The following SLC19A3 variants were observed in gnomAD, a reference collection of about 807,000 sequenced individuals.
SLC19A3 encodes the protein solute carrier family 19 member 3, also known as thiamine transporter 2.
A neutral mutation model predicts 40.2 loss-of-function variants in SLC19A3; 31 were observed. That is an observed-to-expected ratio of 0.77 (90% CI 0.58 to 1.04). SLC19A3 has a LOEUF of 1.04. SLC19A3 is among the 50% of genes least tolerant of loss of function. The pLI, the probability that SLC19A3 is intolerant of heterozygous loss-of-function variation, is 0.00. For missense variants in SLC19A3, 592 were observed against 596.7 expected (o/e 0.99, Z 0.08); for synonymous variants, 212 against 227.5 (o/e 0.93, Z 0.61).
Position 227,716,035 on chromosome 2 carries a change from G to C in SLC19A3, c.-3+1908C>G, listed in dbSNP as rs185618561. ...GAAAGTCAGCTGACATCTAATCCTT[G>C]AGATGCAGTGAAAGTTTCTGATTAA... On this transcript the variant is annotated intron_variant, in intron 1 of 5. Coordinates refer to ENST00000644224, the MANE Select transcript of SLC19A3 (RefSeq NM_025243.4). Among the ~76,000 whole-genome samples the C allele has an allele frequency of 2.4e-4, 37 of 151,788 alleles. 1 individual carries two copies. The East Asian group carries it at 7.2e-3, about 29-fold the overall frequency.
At chr2:227,687,858 A>C (rs556099329) in intron 5 of SLC19A3, among the ~76,000 whole-genome samples, 21 of 152,254 alleles carry the variant, frequency 1.4e-4, no homozygotes, top group South Asian at 2.1e-4. Context: ...AAACAAACCC[A>C]AAAAAACACT....
At chr2:227,712,895 T>C (rs1017643331) in intron 1 of SLC19A3, among the ~76,000 whole-genome samples, 1 of 152,086 alleles carries the variant, frequency 6.6e-6, no homozygotes, top group African/African-American at 2.4e-5. Flanking sequence ...GGATTGGTGG[T>C]TGCCTGGGGT....
In SLC19A3 at chr2:227,687,536, C is replaced by T. The variant is rs1559241677; in HGVS notation, c.1352G>A (p.Gly451Glu). The change falls in exon 6 of 6, where the codon GGA becomes GAA. Residue 451 changes from glycine (G) to glutamate (E), a missense_variant. Physicochemically the swap from Gly to Glu is moderately conservative, Grantham distance 98. Coordinates refer to ENST00000644224, the MANE Select transcript of SLC19A3 (RefSeq NM_025243.4). The part of the protein sequence containing the change: ...VYGSYFAVIA[G>E]IFLMRSMYIT... ...ATACATGCTTCTCATTAGGAAAATT[C>T]CAGCAATTACTGCAAAATAGCTCCC... 2 of 1,613,988 alleles carry T rather than the reference C, an allele frequency of 1.2e-6. No individual in the cohort carries two copies. Among genetic ancestry groups the T allele is most frequent in the Non-Finnish European group, 1.7e-6 (2 of 1,179,966 alleles).
At chr2:227,687,690 A>G in intron 5 of SLC19A3, 117 bp from the exon 6 acceptor site, 2 of 988,110 alleles carry the variant, frequency 2.0e-6, no homozygotes, top group Middle Eastern at 6.1e-4. Flanking sequence ...CAGGTTTTTA[A>G]TATGGGTCAT....
At chr2:227,702,361 T>A (rs1695732400) in intron 1 of SLC19A3, 41 bp from the exon 2 acceptor site, 11 of 1,604,130 alleles carry the variant, frequency 6.9e-6, no homozygotes, top group Non-Finnish European at 8.5e-6. Flanking sequence ...GTGATGCTTA[T>A]TCTTTTTAGC....
chr2:227,695,333 T>C (rs1019391118), intron 4 of SLC19A3, among the ~76,000 whole-genome samples: 1 of 152,198 alleles, frequency 6.6e-6, no homozygotes, highest in Non-Finnish European at 1.5e-5. Context: ...CCAGATGTAG[T>C]GGCTCACACC....
intron 1 of SLC19A3, among the ~76,000 whole-genome samples, chr2:227,715,257 C>T (rs1363605401): frequency 2.7e-5 from 4 of 146,786 alleles, no homozygotes; most frequent in Non-Finnish European, 6.1e-5. Flanking sequence ...CACACCCCCC[C>T]CAAAAAAAAA....
rs929249103 is a variant in SLC19A3, at chr2:227,685,729, C to T, written c.*1668G>A. The T allele has an allele frequency of 6.5e-6, 1 of 153,032 alleles. No individual in the cohort carries two copies. 9.5% of individuals were successfully genotyped at this position (153,032 alleles called of 1,614,324 possible). A position where few individuals can be genotyped will look rare whatever the true frequency, so the allele number is the denominator to read the frequency against. On this transcript the variant is annotated 3_prime_UTR_variant, in exon 6 of 6. Transcript: ENST00000644224. ...CTTCCAGCCTTAATATAAATCTTGACTCAGCATTCTTTATTCTCACTGTCA... is the reference window on the plus strand; with the variant it reads ...CTTCCAGCCTTAATATAAATCTTGATTCAGCATTCTTTATTCTCACTGTCA...
chr2:227,687,486 T>C lies in SLC19A3; in HGVS notation c.1402A>G (p.Lys468Glu). 6.2e-7 allele frequency: 1 copy of C among 1,614,174 alleles called. No homozygotes were observed. Among genetic ancestry groups the C allele is most frequent in the Non-Finnish European group, 8.5e-7 (1 of 1,180,000 alleles). ...CTTGGAGCAGGGCTCTGTACATCCT[T>C]CTGGGATTTGGTTGAGTAGGTAATA... The part of the protein sequence containing the change: ...MYITYSTKSQ[K>E]DVQSPAPSEN... Residue 468 changes from lysine to glutamate, a missense_variant, in exon 6 of 6, where the codon AAG becomes GAG. Lys to Glu is a moderately conservative substitution (Grantham distance 56). Transcript: ENST00000644224.
At chr2:227,717,864 G>A (rs1696384904) in intron 1 of SLC19A3, 79 bp downstream of exon 1, 3 of 971,270 alleles carry the variant, frequency 3.1e-6, no homozygotes, top group African/African-American at 1.8e-5. Flanking sequence ...CTCCAAACCC[G>A]GGAAGAGAGA....
rs1309034188 is a variant in SLC19A3, at chr2:227,698,948, T to C, written c.767A>G (p.Asn256Ser). 1 of 1,614,058 alleles carries C rather than the reference T, an allele frequency of 6.2e-7. No homozygotes were observed. The highest frequency in any genetic ancestry group is 1.3e-5 in the African/African-American group (1 of 74,934). The change falls in exon 3 of 6, where the codon AAT becomes AGT. Residue 256 changes from asparagine (N) to serine (S), a missense_variant. Coordinates refer to ENST00000644224, the MANE Select transcript of SLC19A3 (RefSeq NM_025243.4). ...CTGCACAAAAACGTCCACAGTCACA[T>C]TGCTTGGTTTCAGGCTGTTCAGCTG... ...KGQLNSLKPS[N>S]VTVDVFVQWF...
intron 5 of SLC19A3, 50 bp from the exon 6 acceptor site, chr2:227,687,623 C>A: frequency 6.3e-7 from 1 of 1,580,674 alleles, no homozygotes; most frequent in South Asian, 1.1e-5. Flanking sequence ...CCATCTATGT[C>A]AATGATAATA....
rs1695804062 is a variant in SLC19A3, at chr2:227,703,706, T to C, written c.-2-1386A>G. On this transcript the variant is annotated intron_variant, in intron 1 of 5. Coordinates refer to ENST00000644224, the MANE Select transcript of SLC19A3 (RefSeq NM_025243.4). The surrounding 1 kb of genome is among the most constrained non-coding windows in gnomAD (Gnocchi z 4.7). ...GTTAATGATCTTATAGAAATGGCTG[T>C]CCTGGACAGGTGATCACTGAGGCTT... Among the ~76,000 whole-genome samples the C allele has an allele frequency of 6.6e-6, 1 of 152,194 alleles. No individual in the cohort carries two copies. Among genetic ancestry groups the C allele is most frequent in the Non-Finnish European group, 1.5e-5 (1 of 68,044 alleles).
Position 227,688,155 on chromosome 2 carries a change from T to C in SLC19A3, c.1314+11A>G, listed in dbSNP as rs985701788. On this transcript the variant is annotated intron_variant, in intron 5 of 5. Transcript: ENST00000644224. ...GGTTACCTAGTTGAAAACAGAAGTA[T>C]TGCAGCTTACCTGAATGCTGACTGG... 17 of 1,613,876 alleles carry C rather than the reference T, an allele frequency of 1.1e-5. No individual in the cohort carries two copies. In the Admixed American group the frequency reaches 1.7e-4, roughly 16 times the overall value.
intron 1 of SLC19A3, chr2:227,706,251 G>A (rs570468709): frequency 6.8e-6 from 8 of 1,176,170 alleles, no homozygotes; most frequent in South Asian, 8.6e-5. Flanking sequence ...TGCTCTAAAC[G>A]TCCCTTTGCT....
intron 3 of SLC19A3, among the ~76,000 whole-genome samples, chr2:227,696,895 A>G (rs60726531): frequency 0.042 from 6,374 of 152,116 alleles, 448 homozygotes; most frequent in African/African-American, 0.14. Flanking sequence ...GTGAAACTCC[A>G]GCTCTACTAA....
At chr2:227,706,106 A>C (rs1322244042) in intron 1 of SLC19A3, among the ~76,000 whole-genome samples, 1 of 152,092 alleles carries the variant, frequency 6.6e-6, no homozygotes, top group African/African-American at 2.4e-5. Flanking sequence ...CCTTATAAAC[A>C]TAGTAACCAC....
chr2:227,700,278 C>T (rs561995956), intron 2 of SLC19A3, among the ~76,000 whole-genome samples: 1 of 152,074 alleles, frequency 6.6e-6, no homozygotes, highest in Admixed American at 6.5e-5. Context: ...GTGGCTCACA[C>T]CTGTAATCCC....
intron 1 of SLC19A3, among the ~76,000 whole-genome samples, chr2:227,709,742 C>A (rs1244455808): frequency 1.3e-5 from 2 of 152,110 alleles, no homozygotes; most frequent in African/African-American, 4.8e-5. Context: ...CAACTGACTG[C>A]CTGGAGAAGA....
Sources: gnomAD v4.1 joint callset for allele counts (sites outside exome capture counted in the v4.1 genomes callset) on GRCh38, gnomAD v4.1.1 for gene constraint, Gnocchi (gnomAD v3.1) non-coding constraint, MANE v1.5 for transcripts, NCBI Gene and HGNC (gene_info 2026-07-23, HGNC 2026-07-21) for gene names.